Variants in KIAA0319 observed in about 807,000 individuals in gnomAD.
KIAA0319 encodes dyslexia-associated protein KIAA0319.
KIAA0319 carries 83 observed loss-of-function variants against 108.4 expected under a neutral mutation model. That is an observed-to-expected ratio of 0.77 (90% CI 0.64 to 0.92). KIAA0319 has a LOEUF of 0.92. Among genes scored for constraint, KIAA0319 ranks in the 40% least tolerant of loss-of-function variants. KIAA0319 has a pLI of 0.00. For missense variants in KIAA0319, 1,195 were observed against 1,322.4 expected, an observed-to-expected ratio of 0.90 and a Z score of 1.49; for synonymous variants, 484 against 510.4, an observed-to-expected ratio of 0.95 and a Z score of 0.70.
intron 3 of KIAA0319, among the ~76,000 whole-genome samples, chr6:24,594,221 AAAAAAAAAAAAAAAAAAAAAAAG>A (rs1769037829): frequency 1.1e-5 from 1 of 94,292 alleles, no homozygotes; most frequent in African/African-American, 4.5e-5. Flanking sequence ...AAAAAAAAAA[AAAAAAAAAAAAAAAAAAAAAAAG>A]AAAGTTTTTT....
intron 19 of KIAA0319, among the ~76,000 whole-genome samples, chr6:24,554,226 G>C (rs1476232789): frequency 6.6e-6 from 1 of 152,158 alleles, no homozygotes; most frequent in East Asian, 1.9e-4. Flanking sequence ...CCAAACAATG[G>C]TCACAGAAGT....
intron 19 of KIAA0319, among the ~76,000 whole-genome samples, chr6:24,552,016 T>TA: frequency 6.6e-6 from 1 of 152,152 alleles, no homozygotes; most frequent in East Asian, 1.9e-4. Context: ...CCTTTTTCTT[T>TA]TTTTTTTTTC....
chr6:24,627,908 C>A (rs1774939176), intron 1 of KIAA0319, among the ~76,000 whole-genome samples: 1 of 152,196 alleles, frequency 6.6e-6, no homozygotes, highest in Non-Finnish European at 1.5e-5. Flanking sequence ...CAAATAACAG[C>A]ATAAATGTTC....
chr6:24,645,058 GAAAT>G (rs1334532227), intron 1 of KIAA0319, among the ~76,000 whole-genome samples: 1 of 152,162 alleles, frequency 6.6e-6, no homozygotes, highest in Non-Finnish European at 1.5e-5. Flanking sequence ...CAGGAATAAA[GAAAT>G]AAATACCAAC....
chr6:24,567,309 C>T (rs1481392046), intron 13 of KIAA0319, among the ~76,000 whole-genome samples: 2 of 151,926 alleles, frequency 1.3e-5, no homozygotes, highest in Non-Finnish European at 2.9e-5. Context: ...TGAGACCAGC[C>T]GGGGCAACAC....
At chr6:24,547,786 G>A (rs1361696059) in intron 20 of KIAA0319, among the ~76,000 whole-genome samples, 2 of 152,208 alleles carry the variant, frequency 1.3e-5, no homozygotes, top group Non-Finnish European at 2.9e-5. Flanking sequence ...TAGAATATTT[G>A]ATTTCAGGGG....
chr6:24,624,622 T>C (rs1340184646), intron 1 of KIAA0319, among the ~76,000 whole-genome samples: 2 of 152,146 alleles, frequency 1.3e-5, no homozygotes, highest in Non-Finnish European at 2.9e-5. Context: ...GCTGGGACCT[T>C]GACACTCAGA....
At chr6:24,630,539 C>T (rs889495881) in intron 1 of KIAA0319, among the ~76,000 whole-genome samples, 4 of 139,208 alleles carry the variant, frequency 2.9e-5, no homozygotes, top group African/African-American at 2.6e-5. Flanking sequence ...AAAGAAAGAA[C>T]GAAAGAAAAA....
chr6:24,619,497 C>A (rs766811137), intron 1 of KIAA0319, among the ~76,000 whole-genome samples: 32 of 152,236 alleles, frequency 2.1e-4, no homozygotes, highest in South Asian at 1.5e-3. Context: ...CAAGAGATAT[C>A]TAAGTGGAGC....
At chr6:24,638,533 G>A (rs1776497847) in intron 1 of KIAA0319, among the ~76,000 whole-genome samples, 2 of 152,156 alleles carry the variant, frequency 1.3e-5, no homozygotes, top group Non-Finnish European at 2.9e-5. Flanking sequence ...GGCTGAGGTG[G>A]GCAGATCACA....
At chr6:24,579,410 A>ATATAT (rs1561981471) in intron 8 of KIAA0319, among the ~76,000 whole-genome samples, 5 of 87,998 alleles carry the variant, frequency 5.7e-5, no homozygotes, top group Non-Finnish European at 8.2e-5. Flanking sequence ...CCTCTATATA[A>ATATAT]AGATATATAT....
rs563610884 is a variant in KIAA0319 at position 24,559,123 on chromosome 6, G to A, written c.2624C>T (p.Pro875Leu). The A allele has an allele frequency of 1.1e-5, 17 of 1,613,504 alleles. 1 individual carries two copies. The highest frequency in any genetic ancestry group is 7.7e-5 in the South Asian group (7 of 91,038). The change falls in exon 17 of 21, where the codon CCG becomes CTG. Residue 875 changes from proline (P) to leucine (L), a missense_variant. Pro to Leu is a moderately conservative substitution (Grantham distance 98). Transcript: ENST00000378214. Reference sequence around the variant, plus strand: ...AGCAGCTTTGAGAACCTTGAAAGGCGGCCTGCTCTGTACATAAAACACAAT... The same window carrying A: ...AGCAGCTTTGAGAACCTTGAAAGGCAGCCTGCTCTGTACATAAAACACAAT... Reference protein sequence around the residue: ...TVIVFYVQSRPPFKVLKAAEV... With the variant: ...TVIVFYVQSRLPFKVLKAAEV...
At chr6:24,548,260 A>G (rs936798970) in intron 20 of KIAA0319, among the ~76,000 whole-genome samples, 1 of 152,172 alleles carries the variant, frequency 6.6e-6, no homozygotes, top group African/African-American at 2.4e-5. Context: ...GGCTCACGGA[A>G]ACATAGAGGG....
chr6:24,578,007 CT>C, intron 9 of KIAA0319, 102 bp downstream of exon 9: 1 of 1,241,970 alleles, frequency 8.1e-7, no homozygotes, highest in Non-Finnish European at 1.1e-6. Context: ...AGCCAAATCT[CT>C]TTTGATCAAA....
intron 1 of KIAA0319, among the ~76,000 whole-genome samples, chr6:24,632,667 CAAAG>C (rs1461220717): frequency 6.6e-6 from 1 of 152,162 alleles, no homozygotes; most frequent in African/African-American, 2.4e-5. Context: ...TCCTCATCAA[CAAAG>C]AAAGAGATAG....
At chr6:24,645,270 T>C (rs1231095470) in intron 1 of KIAA0319, among the ~76,000 whole-genome samples, 1 of 152,232 alleles carries the variant, frequency 6.6e-6, no homozygotes, top group African/African-American at 2.4e-5. Flanking sequence ...TTTTTCCTCC[T>C]TGTATTTAAT....
At chr6:24,600,411 T>TGGAG (rs1487365891) in intron 2 of KIAA0319, among the ~76,000 whole-genome samples, 1 of 152,072 alleles carries the variant, frequency 6.6e-6, no homozygotes, top group African/African-American at 2.4e-5. Flanking sequence ...TGCCCAAAAT[T>TGGAG]TGGGTGCTTC....
chr6:24,624,017 C>CTTTTTTTTTTTT (rs536970883), intron 1 of KIAA0319, among the ~76,000 whole-genome samples: 2 of 50,534 alleles, frequency 4.0e-5, no homozygotes, highest in African/African-American at 9.6e-5. Context: ...TCTTTGTTTT[C>CTTTTTTTTTTTT]TTTTTTTTTT....
chr6:24,634,715 T>A (rs1775982708), intron 1 of KIAA0319, among the ~76,000 whole-genome samples: 1 of 152,256 alleles, frequency 6.6e-6, no homozygotes, highest in African/African-American at 2.4e-5. Flanking sequence ...ACCGGTCATA[T>A]GAGCTGTAAA....
Sources: allele counts gnomAD v4.1 joint callset (sites outside exome capture counted in the v4.1 genomes callset), GRCh38; gene constraint gnomAD v4.1.1; transcripts MANE v1.5; gene names NCBI Gene and HGNC (gene_info 2026-07-23, HGNC 2026-07-21).